SRPK2: variants seen among roughly 807,000 people sequenced by gnomAD.
SRPK2 encodes SRSF protein kinase 2.
In SRPK2, 21 loss-of-function variants were observed where a neutral mutation model predicts 90.8. That is an observed-to-expected ratio of 0.23 (90% confidence interval 0.16 to 0.33). SRPK2 has a LOEUF of 0.33. Among genes scored for constraint, SRPK2 ranks in the 10% least tolerant of loss-of-function variants. SRPK2 has a pLI of 1.00. For synonymous variants in SRPK2, 288 were observed against 311.1 expected, an observed-to-expected ratio of 0.93 and a Z score of 0.78; for missense variants, 620 against 869.0, an observed-to-expected ratio of 0.71 and a Z score of 3.60.
intron 2 of SRPK2, among the ~76,000 whole-genome samples, chr7:105,376,698 C>T (rs1201251328): frequency 6.6e-6 from 1 of 151,396 alleles, no homozygotes; most frequent in African/African-American, 2.4e-5. Context: ...CCACCACTCC[C>T]GGCTAATTTT....
intron 2 of SRPK2, among the ~76,000 whole-genome samples, chr7:105,363,563 C>T (rs540771815): frequency 6.6e-6 from 1 of 152,276 alleles, no homozygotes; most frequent in South Asian, 2.1e-4. Flanking sequence ...AATAGGAACA[C>T]TTTTACACGG....
At chr7:105,202,711 A>C (rs985329606) in intron 3 of SRPK2, among the ~76,000 whole-genome samples, 4 of 152,160 alleles carry the variant, frequency 2.6e-5, no homozygotes, top group African/African-American at 9.7e-5. Context: ...AACATAACCC[A>C]CTATGTCACA....
chr7:105,360,242 C>T (rs978304890), intron 2 of SRPK2, among the ~76,000 whole-genome samples: 2 of 80,390 alleles, frequency 2.5e-5, no homozygotes, highest in African/African-American at 7.0e-5. Flanking sequence ...GGTACATCTT[C>T]CTCCATCCCT....
intron 2 of SRPK2, among the ~76,000 whole-genome samples, chr7:105,281,060 T>C (rs1208847533): frequency 3.3e-5 from 5 of 151,514 alleles, no homozygotes; most frequent in Non-Finnish European, 7.4e-5. Context: ...TTCTTCCTTC[T>C]TTTTTTTCTT....
intron 3 of SRPK2, among the ~76,000 whole-genome samples, chr7:105,202,601 G>A (rs201480168): frequency 1.3e-5 from 2 of 152,126 alleles, no homozygotes; most frequent in African/African-American, 4.8e-5. Flanking sequence ...CACACAACAC[G>A]CTTGCCCTTT....
chr7:105,367,820 T>A (rs1819246414), intron 2 of SRPK2, among the ~76,000 whole-genome samples: 1 of 152,202 alleles, frequency 6.6e-6, no homozygotes, highest in Non-Finnish European at 1.5e-5. Flanking sequence ...TTTTAAGCAT[T>A]CATGACATAC....
chr7:105,363,239 C>T (rs904479618), intron 2 of SRPK2, among the ~76,000 whole-genome samples: 4 of 151,830 alleles, frequency 2.6e-5, no homozygotes, highest in Admixed American at 6.6e-5. Flanking sequence ...TCAGAGTAAA[C>T]AACCTACAGA....
chr7:105,169,074 G>A (rs1295452689), intron 4 of SRPK2, 83 bp downstream of exon 4: 16 of 1,208,468 alleles, frequency 1.3e-5, no homozygotes, highest in African/African-American at 3.0e-5. Flanking sequence ...ACAAAGCAGT[G>A]GTGACCCTCA....
chr7:105,168,460 C>G (rs1790368252), intron 4 of SRPK2, among the ~76,000 whole-genome samples: 1 of 152,082 alleles, frequency 6.6e-6, no homozygotes, highest in African/African-American at 2.4e-5. Flanking sequence ...CACTTCTGGT[C>G]TCAAAGCATT....
chr7:105,180,259 A>C (rs954555644), intron 3 of SRPK2, among the ~76,000 whole-genome samples: 7 of 152,214 alleles, frequency 4.6e-5, no homozygotes, highest in African/African-American at 7.2e-5. Flanking sequence ...TAGAGAGCCC[A>C]AAAATAATGC....
At chr7:105,168,744 A>ACTGTGTGTGTGT (rs1165915539) in intron 4 of SRPK2, among the ~76,000 whole-genome samples, 2 of 25,454 alleles carry the variant, frequency 7.9e-5, no homozygotes, top group Admixed American at 3.7e-4. Context: ...ACACGCACCA[A>ACTGTGTGTGTGT]ATGTGTGTGT....
At chr7:105,153,443 C>T (rs563801306) in intron 7 of SRPK2, among the ~76,000 whole-genome samples, 2 of 152,216 alleles carry the variant, frequency 1.3e-5, no homozygotes, top group Admixed American at 6.5e-5. Context: ...TACTGGTCTT[C>T]GCAACACAAA....
chr7:105,378,362 TA>T (rs1480771674), intron 2 of SRPK2, among the ~76,000 whole-genome samples: 1 of 152,150 alleles, frequency 6.6e-6, no homozygotes, highest in African/African-American at 2.4e-5. Context: ...CAAATTTTTA[TA>T]AATCAGTAAG....
chr7:105,182,699 C>T (rs1406121689), intron 3 of SRPK2, among the ~76,000 whole-genome samples: 2 of 152,136 alleles, frequency 1.3e-5, no homozygotes, highest in Admixed American at 6.5e-5. Flanking sequence ...AACTCCTAGC[C>T]TCAAGCAATC....
intron 2 of SRPK2, among the ~76,000 whole-genome samples, chr7:105,331,324 A>AC (rs1322036718): frequency 4.6e-5 from 6 of 131,436 alleles, no homozygotes; most frequent in African/African-American, 1.1e-4. Context: ...AAAAAAAAAA[A>AC]AAAAAAAAAA....
chr7:105,125,257 T>C (rs1247220713), intron 15 of SRPK2, among the ~76,000 whole-genome samples: 1 of 151,928 alleles, frequency 6.6e-6, no homozygotes, highest in Non-Finnish European at 1.5e-5. Context: ...AGTTGGAAGA[T>C]CAGTAAGAAC....
chr7:105,235,726 C>A (rs1800048152), intron 2 of SRPK2, among the ~76,000 whole-genome samples: 1 of 151,484 alleles, frequency 6.6e-6, no homozygotes, highest in South Asian at 2.1e-4. Flanking sequence ...GTTAAAATAT[C>A]TTTAAAAAAA....
chr7:105,144,998 C>A lies in SRPK2; in HGVS notation c.813+285G>T, dbSNP rs140734516. ...GCAGGTGCCTGTAATCCCAGCTACT[C>A]GGGAGGCTGAGGCACAAGAATCGTT... is the stretch of plus-strand genomic sequence containing the variant. On this transcript the variant is annotated intron_variant, in intron 9 of 15. Transcript: ENST00000393651. Among the ~76,000 whole-genome samples the A allele has an allele frequency of 6.0e-3, 905 of 151,176 alleles. 7 individuals carry two copies. The highest frequency in any genetic ancestry group is 0.021 in the African/African-American group (862 of 41,160).
intron 8 of SRPK2, 58 bp downstream of exon 8, chr7:105,146,435 C>A: frequency 6.4e-7 from 1 of 1,568,522 alleles, no homozygotes; most frequent in Non-Finnish European, 8.7e-7. Flanking sequence ...TCAACAACTG[C>A]AACTTTGCAA....
Sources: allele counts gnomAD v4.1 joint callset (sites outside exome capture counted in the v4.1 genomes callset), GRCh38; gene constraint gnomAD v4.1.1; transcripts MANE v1.5; gene names NCBI Gene and HGNC (gene_info 2026-07-23, HGNC 2026-07-21).